Variants in SESTD1 observed in about 807,000 individuals in gnomAD.
The protein encoded by SESTD1 is SEC14 and spectrin domain containing 1, also known as SEC14 domain and spectrin repeat-containing protein 1.
In SESTD1, 43 loss-of-function variants were observed where a neutral mutation model predicts 101.7. The ratio of observed to expected loss-of-function variants is 0.42; its 90% CI spans 0.33 to 0.55. The LOEUF (loss-of-function observed/expected upper bound fraction) is 0.55. Among genes scored for constraint, SESTD1 ranks in the 20% least tolerant of loss-of-function variants. The probability of loss-of-function intolerance (pLI) is 0.07; values close to 1 mark genes in which losing one functional copy is unlikely to be tolerated. For missense variants in SESTD1, 647 were observed against 815.1 expected (o/e 0.79, Z 2.51); for synonymous variants, 283 against 286.8 (o/e 0.99, Z 0.13).
intron 7 of SESTD1, among the ~76,000 whole-genome samples, chr2:179,147,422 C>T (rs1357031355): frequency 1.3e-5 from 2 of 149,714 alleles, no homozygotes; most frequent in East Asian, 3.9e-4. Flanking sequence ...AGTGCAGTGG[C>T]GTGATCTCGA....
chr2:179,134,949 TTTTG>T (rs1386983271), intron 9 of SESTD1, among the ~76,000 whole-genome samples: 3 of 152,162 alleles, frequency 2.0e-5, no homozygotes, highest in East Asian at 3.8e-4. Flanking sequence ...TGTTGTTGTT[TTTTG>T]TTTGTTTTGG....
At chr2:179,135,751 T>A (rs2045127985) in intron 9 of SESTD1, among the ~76,000 whole-genome samples, 1 of 152,102 alleles carries the variant, frequency 6.6e-6, no homozygotes, top group Admixed American at 6.5e-5. Context: ...AGACCCTGTC[T>A]CAAGAAAAAC....
At chr2:179,116,238 C>T (rs141418198) in intron 15 of SESTD1, among the ~76,000 whole-genome samples, 100 of 151,002 alleles carry the variant, frequency 6.6e-4, no homozygotes, top group African/African-American at 2.4e-3. Context: ...TGCATCATTG[C>T]AGTCCAGCCT....
chr2:179,187,608 TG>T (rs2046253316), intron 2 of SESTD1, among the ~76,000 whole-genome samples: 1 of 152,142 alleles, frequency 6.6e-6, no homozygotes, highest in Admixed American at 6.5e-5. Context: ...CACTCCAGCC[TG>T]GGTGGCAGAA....
chr2:179,244,134 A>G (rs1466289047), intron 1 of SESTD1, among the ~76,000 whole-genome samples: 1 of 151,700 alleles, frequency 6.6e-6, no homozygotes, highest in East Asian at 1.9e-4. Context: ...AAATCTCTAA[A>G]AAACTGAATG....
chr2:179,139,299 GA>G (rs1260712326), intron 9 of SESTD1, among the ~76,000 whole-genome samples: 1 of 151,944 alleles, frequency 6.6e-6, no homozygotes, highest in Non-Finnish European at 1.5e-5. Flanking sequence ...TCCTCTTTAT[GA>G]AAAAAAGACA....
In SESTD1 at chr2:179,212,704, C is replaced by G. The variant is rs183983085; in HGVS notation, c.-25-20838G>C. On this transcript the variant is annotated intron_variant, in intron 1 of 17. Transcript: ENST00000428443. ...TGCCTCTTCAAGTGGGTCCCTGACCCCCGTGTACCTAACTGGGAGACACCT... is the reference window on the plus strand; with the variant it reads ...TGCCTCTTCAAGTGGGTCCCTGACCGCCGTGTACCTAACTGGGAGACACCT... Among the ~76,000 whole-genome samples the G allele has an allele frequency of 1.9e-3, 257 of 135,170 alleles. 46 individuals carry two copies. The highest frequency in any genetic ancestry group is 3.3e-3 in the Non-Finnish European group (207 of 62,708). 88.7% of individuals were successfully genotyped at this position (135,170 alleles called of 152,430 possible).
chr2:179,177,851 A>ACATT (rs1171135142), intron 3 of SESTD1, among the ~76,000 whole-genome samples: 1 of 152,230 alleles, frequency 6.6e-6, no homozygotes, highest in Non-Finnish European at 1.5e-5. Flanking sequence ...AAACAATGAG[A>ACATT]CATTATTCAG....
chr2:179,135,525 G>C (rs1202314075), intron 9 of SESTD1, among the ~76,000 whole-genome samples: 1 of 152,096 alleles, frequency 6.6e-6, no homozygotes, highest in Non-Finnish European at 1.5e-5. Context: ...AGGCTGAGGT[G>C]GGCAGATGGC....
chr2:179,138,188 G>A (rs961802086), intron 9 of SESTD1, among the ~76,000 whole-genome samples: 1 of 152,104 alleles, frequency 6.6e-6, no homozygotes, highest in South Asian at 2.1e-4. Context: ...TATAATAATC[G>A]TCATCTCCTT....
intron 5 of SESTD1, among the ~76,000 whole-genome samples, chr2:179,152,818 C>G (rs974478995): frequency 2.2e-4 from 33 of 152,018 alleles, no homozygotes; most frequent in African/African-American, 7.7e-4. Context: ...TATGAGGAAA[C>G]AAAGCCTAGT....
intron 1 of SESTD1, chr2:179,264,002 C>T (rs2047519791): frequency 6.6e-6 from 1 of 152,284 alleles, no homozygotes; most frequent in African/African-American, 2.4e-5. Context: ...ACCGGTCACA[C>T]AAAGGAGCCA....
intron 9 of SESTD1, among the ~76,000 whole-genome samples, chr2:179,140,194 T>C (rs2045245916): frequency 6.6e-6 from 1 of 152,196 alleles, no homozygotes. Context: ...ACAACTATCC[T>C]TACCCCTCCT....
At position 179,183,141 on chromosome 2, in the gene SESTD1, G is replaced by C; in HGVS notation, c.103C>G (p.Leu35Val). The C allele has an allele frequency of 6.2e-7, 1 of 1,611,682 alleles. No individual in the cohort carries two copies. The highest frequency in any genetic ancestry group is 1.1e-5 in the South Asian group (1 of 90,872). ...SGLILTIPLC[L>V]EQTNMDELSV... is the part of the protein sequence containing the mutation. ...AGCTCATCCATATTTGTCTGTTCGAGGCATAATGGAATTGTCAAAATGAGG... is the reference window on the plus strand; with the variant it reads ...AGCTCATCCATATTTGTCTGTTCGACGCATAATGGAATTGTCAAAATGAGG... The change falls in exon 3 of 18, where the codon CTC (leucine) becomes GTC (valine). Residue 35 changes from leucine (L) to valine (V), a missense_variant. Physicochemically the swap from Leu to Val is conservative, Grantham distance 32. Transcript: ENST00000428443.
intron 12 of SESTD1, 46 bp downstream of exon 12, chr2:179,123,667 TTA>T: frequency 1.1e-6 from 1 of 898,116 alleles, no homozygotes; most frequent in Non-Finnish European, 1.6e-6. Context: ...GTAATGATAT[TTA>T]AAAAAAAAAA....
chr2:179,145,582 A>G (rs2045377446), intron 8 of SESTD1, among the ~76,000 whole-genome samples: 1 of 152,238 alleles, frequency 6.6e-6, no homozygotes. Context: ...AGAGTTTGTG[A>G]AACTGCTACT....
intron 8 of SESTD1, among the ~76,000 whole-genome samples, chr2:179,144,560 AAAAGT>A (rs72429910): frequency 0.055 from 8,398 of 152,138 alleles, 310 homozygotes; most frequent in South Asian, 0.14. Context: ...AAATAATTTT[AAAAGT>A]AAATAAGGTA....
chr2:179,152,406 T>C (rs2045548537), intron 5 of SESTD1, among the ~76,000 whole-genome samples: 1 of 152,236 alleles, frequency 6.6e-6, no homozygotes. Flanking sequence ...GCAAAAATTA[T>C]GTGACTATAT....
chr2:179,143,036 CCA>C lies in SESTD1; in HGVS notation c.849+554_849+555del, dbSNP rs548931887. Among the ~76,000 whole-genome samples the C allele has an allele frequency of 9.9e-5, 15 of 151,236 alleles. No individual in the cohort carries two copies. In the East Asian group the frequency reaches 2.5e-3, roughly 25 times the overall value. On this transcript the variant is annotated intron_variant, in intron 9 of 17. Transcript: ENST00000428443. ...TTTCTTAATTATTCAACATAAAAAT[CCA>C]GAGTGTAATCTAAATAACAGAAATG...
Sources: gnomAD v4.1 joint callset for allele counts (sites outside exome capture counted in the v4.1 genomes callset) on GRCh38, gnomAD v4.1.1 for gene constraint, MANE v1.5 for transcripts, NCBI Gene and HGNC (gene_info 2026-07-23, HGNC 2026-07-21) for gene names.